The following CHODL variants were observed in gnomAD, a reference collection of about 807,000 sequenced individuals.
CHODL encodes chondrolectin.
CHODL carries 29 observed loss-of-function variants against 34.5 expected under a neutral mutation model. The ratio of observed to expected loss-of-function variants is 0.84; its 90% CI spans 0.63 to 1.15. The LOEUF (loss-of-function observed/expected upper bound fraction) is 1.15, where lower values mean the gene tolerates loss of function less well. Ranked by LOEUF, CHODL falls within the 50% of genes most tolerant of loss-of-function variation. CHODL has a pLI of 0.00. For missense variants in CHODL, 332 were observed against 332.5 expected (o/e 1.00, Z 0.01); for synonymous variants, 125 against 116.1 (o/e 1.08, Z -0.49).
At chr21:18,217,867 G>C (rs1367144832) in intron 2 of CHODL, among the ~76,000 whole-genome samples, 6 of 152,116 alleles carry the variant, frequency 3.9e-5, no homozygotes, top group Admixed American at 2.0e-4. Flanking sequence ...CCCCATATAA[G>C]TACAAAATTC....
chr21:18,202,973 C>CT (rs2073671745), intron 2 of CHODL, among the ~76,000 whole-genome samples: 1 of 152,130 alleles, frequency 6.6e-6, no homozygotes, highest in South Asian at 2.1e-4. Flanking sequence ...CTCGAAAAAT[C>CT]TTTGTTAGAG....
chr21:17,941,405 A>G (rs957862242), intron 1 of CHODL, among the ~76,000 whole-genome samples: 25 of 141,124 alleles, frequency 1.8e-4, no homozygotes, highest in African/African-American at 6.4e-4. Context: ...CTTGTTTCTT[A>G]GTGCTTAAAA....
At chr21:18,030,111 C>T (rs2064230064) in intron 2 of CHODL, among the ~76,000 whole-genome samples, 1 of 152,088 alleles carries the variant, frequency 6.6e-6, no homozygotes, top group African/African-American at 2.4e-5. Flanking sequence ...GTGGGCTGGA[C>T]CTAATGGCTA....
At position 18,072,822 on chromosome 21, in the gene CHODL, C is replaced by A. The variant is rs112463544; in HGVS notation, c.-45+44851C>A. On this transcript the variant is annotated intron_variant, in intron 2 of 6. Coordinates refer to the CHODL transcript ENST00000400127. ...CCTGAGGGTGGAGAACCTCTTATAC[C>A]AAATATACCTATAAAAAAGTTTTCT... 1.5e-3 allele frequency among the ~76,000 whole-genome samples: 225 copies of A among 152,150 alleles called. 1 individual carries two copies. Among genetic ancestry groups the A allele is most frequent in the African/African-American group, 5.2e-3 (215 of 41,540 alleles).
At chr21:18,177,597 A>G (rs2073331534) in intron 2 of CHODL, among the ~76,000 whole-genome samples, 1 of 152,158 alleles carries the variant, frequency 6.6e-6, no homozygotes, top group African/African-American at 2.4e-5. Context: ...AAATGCACAG[A>G]TACTTCATAG....
chr21:17,992,644 T>G (rs1452905362), intron 1 of CHODL, among the ~76,000 whole-genome samples: 1 of 151,972 alleles, frequency 6.6e-6, no homozygotes, highest in Non-Finnish European at 1.5e-5. Flanking sequence ...ATGCTTCTGA[T>G]TTTTGAACAT....
chr21:18,146,221 C>T (rs573906753), intron 2 of CHODL, among the ~76,000 whole-genome samples: 1 of 151,770 alleles, frequency 6.6e-6, no homozygotes, highest in African/African-American at 2.4e-5. Flanking sequence ...TCGTTATCCG[C>T]CCACCTCGGC....
intron 2 of CHODL, among the ~76,000 whole-genome samples, chr21:18,051,448 G>T (rs2064515379): frequency 1.4e-5 from 2 of 146,222 alleles, no homozygotes; most frequent in Admixed American, 6.9e-5. Flanking sequence ...ACATTTATAT[G>T]TGACACATTC....
intron 2 of CHODL, among the ~76,000 whole-genome samples, chr21:18,188,782 T>G (rs548863308): frequency 6.6e-6 from 1 of 152,282 alleles, no homozygotes; most frequent in South Asian, 2.1e-4. Flanking sequence ...TCTAAGAAAA[T>G]GACATTTGTT....
chr21:18,261,360 T>TAAA (rs60033114), intron 4 of CHODL, among the ~76,000 whole-genome samples: 3,200 of 137,802 alleles, frequency 0.023, 118 homozygotes, highest in African/African-American at 0.077. Context: ...TAAAGTATGA[T>TAAA]AAAAAAAAAA....
At chr21:18,079,252 T>C (rs546146555) in intron 2 of CHODL, among the ~76,000 whole-genome samples, 12 of 151,868 alleles carry the variant, frequency 7.9e-5, no homozygotes, top group African/African-American at 2.9e-4. Context: ...GTTATTTCAC[T>C]TAAGAGAATG....
chr21:18,110,818 C>A (rs2065340244), intron 2 of CHODL, among the ~76,000 whole-genome samples: 1 of 152,154 alleles, frequency 6.6e-6, no homozygotes, highest in South Asian at 2.1e-4. Context: ...CAAGATTCTC[C>A]CTGTCCAATC....
At chr21:17,946,207 G>C (rs1352425049) in intron 1 of CHODL, among the ~76,000 whole-genome samples, 1 of 152,206 alleles carries the variant, frequency 6.6e-6, no homozygotes, top group Admixed American at 6.5e-5. Flanking sequence ...CACGAGGGCA[G>C]GAGATTGAGA....
intron 2 of CHODL, among the ~76,000 whole-genome samples, chr21:18,124,582 G>A (rs2065519370): frequency 6.6e-6 from 1 of 152,102 alleles, no homozygotes; most frequent in South Asian, 2.1e-4. Flanking sequence ...ACAATAGTAG[G>A]TTAAAATTTT....
chr21:18,165,474 A>AAT (rs1452549740), intron 2 of CHODL, among the ~76,000 whole-genome samples: 1 of 152,196 alleles, frequency 6.6e-6, no homozygotes, highest in Admixed American at 6.5e-5. Flanking sequence ...AAACAGCAAT[A>AAT]ATATTTATTT....
At chr21:18,124,925 A>C (rs1242563783) in intron 2 of CHODL, among the ~76,000 whole-genome samples, 1 of 152,236 alleles carries the variant, frequency 6.6e-6, no homozygotes, top group East Asian at 1.9e-4. Flanking sequence ...AAGTTAAATA[A>C]GTTAGCCAGG....
intron 1 of CHODL, among the ~76,000 whole-genome samples, chr21:18,248,914 TACA>T (rs2074192135): frequency 8.5e-6 from 1 of 117,748 alleles, no homozygotes; most frequent in African/African-American, 3.4e-5. Context: ...ATATGTATAA[TACA>T]TATATATGTA....
At position 18,162,705 on chromosome 21, in the gene CHODL, A is replaced by T. The variant is rs186826488; in HGVS notation, c.-44-93804A>T. Among the ~76,000 whole-genome samples the T allele has an allele frequency of 2.6e-3, 402 of 152,372 alleles. 2 individuals are homozygous for T. The highest frequency in any genetic ancestry group is 9.3e-3 in the African/African-American group (386 of 41,586). ...AACTATTTTTAAACTTCAATTAAAT[A>T]GAATTATATACCATATATTCTTCTG... On this transcript the variant is annotated intron_variant, in intron 2 of 6. Coordinates refer to the CHODL transcript ENST00000400127.
Position 18,233,325 on chromosome 21 carries a change from T to C in CHODL, c.-44-23184T>C, listed in dbSNP as rs375104017. Among the ~76,000 whole-genome samples the C allele has an allele frequency of 2.6e-5, 4 of 152,068 alleles. No individual in the cohort carries two copies. The East Asian group carries it at 7.7e-4, about 29-fold the overall frequency. On this transcript the variant is annotated intron_variant, in intron 2 of 6. Transcript: ENST00000400127. The stretch of plus-strand genomic sequence containing the variant: ...AAGAACACAGATGCTAGAGCCAGAC[T>C]GCCTGGGTTGAAATACCAGCTGTCC...
Sources: allele counts gnomAD v4.1 joint callset (sites outside exome capture counted in the v4.1 genomes callset), GRCh38; gene constraint gnomAD v4.1.1; transcripts MANE v1.5; gene names NCBI Gene and HGNC (gene_info 2026-07-23, HGNC 2026-07-21).